Variants in RIC1 observed in about 807,000 individuals in gnomAD.
The protein encoded by RIC1 is RIC1 partner of RAB6A GEF complex, also known as guanine nucleotide exchange factor subunit RIC1.
A neutral mutation model predicts 169.0 loss-of-function variants in RIC1; 88 were observed. The observed-to-expected ratio is 0.52, with a 90% CI of 0.44 to 0.62. The LOEUF (loss-of-function observed/expected upper bound fraction) is 0.62. RIC1 is among the 20% of genes least tolerant of loss of function. The pLI, the probability that RIC1 is intolerant of heterozygous loss-of-function variation, is 0.00. For synonymous variants in RIC1, 790 were observed against 601.5 expected (o/e 1.31, Z -4.59); for missense variants, 1,877 against 1,725.5 (o/e 1.09, Z -1.56).
intron 3 of RIC1, among the ~76,000 whole-genome samples, chr9:5,707,100 G>C (rs1822638610): frequency 6.6e-6 from 1 of 151,998 alleles, no homozygotes; most frequent in Non-Finnish European, 1.5e-5. Context: ...GTTTTCATTA[G>C]TTTCAGAGCA....
chr9:5,762,571 C>G lies in RIC1; in HGVS notation c.2023C>G (p.Leu675Val). 6.2e-7 allele frequency: 1 copy of G among 1,613,938 alleles called. No individual in the cohort carries two copies. Among genetic ancestry groups the G allele is most frequent in the African/African-American group, 1.3e-5 (1 of 75,012 alleles). Residue 675 changes from leucine to valine, a missense_variant, in exon 18 of 26, where the codon CTG becomes GTG. Physicochemically the swap from Leu to Val is conservative, Grantham distance 32. Around this residue, in one of 3 missense-constraint regions of RIC1, gnomAD observed 1,104 missense variants for 992.0 expected, o/e 1.11. Coordinates refer to ENST00000414202, the MANE Select transcript of RIC1 (RefSeq NM_020829.4). ...TGGTGCAGAGAGCATTATGTTAAACCTGGCAGGACAGCTCATCATGATGCA... is the reference window on the plus strand; with the variant it reads ...TGGTGCAGAGAGCATTATGTTAAACGTGGCAGGACAGCTCATCATGATGCA... ...ARGAESIMLN[L>V]AGQLIMMQRD...
intron 8 of RIC1, among the ~76,000 whole-genome samples, chr9:5,741,052 A>G (rs144338986): frequency 1.3e-5 from 2 of 152,160 alleles, no homozygotes; most frequent in African/African-American, 4.8e-5. Context: ...CTACTTTGGG[A>G]GAGTCTGAAA....
At chr9:5,704,028 T>C (rs376853624) in intron 3 of RIC1, among the ~76,000 whole-genome samples, 2 of 137,976 alleles carry the variant, frequency 1.4e-5, no homozygotes, top group East Asian at 4.0e-4. Context: ...TCATCAACAT[T>C]TGTTATTTTC....
chr9:5,741,310 T>C (rs1825071022), intron 8 of RIC1, among the ~76,000 whole-genome samples: 1 of 152,156 alleles, frequency 6.6e-6, no homozygotes, highest in African/African-American at 2.4e-5. Context: ...GGGAAGAATT[T>C]TGTTTGTTTT....
At chr9:5,688,777 T>A (rs1821411400) in intron 2 of RIC1, among the ~76,000 whole-genome samples, 1 of 152,158 alleles carries the variant, frequency 6.6e-6, no homozygotes, top group South Asian at 2.1e-4. Context: ...AAACCTTGGA[T>A]AATTTCTTGG....
rs998949418 is a variant in RIC1, at chr9:5,657,148, T to G, written c.252+458T>G. ...TTTAAAACATATTCACATGATATTC[T>G]TGAATTTATATTTAAATTCCTCCCT... On this transcript the variant is annotated intron_variant, in intron 2 of 25. Transcript: ENST00000414202. Among the ~76,000 whole-genome samples, 11 of 152,300 alleles carry G rather than the reference T, an allele frequency of 7.2e-5. No homozygotes were observed. The East Asian group carries it at 1.5e-3, about 21-fold the overall frequency.
At chr9:5,746,619 G>T (rs893665068) in intron 11 of RIC1, among the ~76,000 whole-genome samples, 2 of 152,134 alleles carry the variant, frequency 1.3e-5, no homozygotes, top group Non-Finnish European at 2.9e-5. Context: ...ATAGCTTAAA[G>T]AAAGTATGTC....
chr9:5,672,180 G>T (rs894350293), intron 2 of RIC1, among the ~76,000 whole-genome samples: 4 of 152,142 alleles, frequency 2.6e-5, no homozygotes, highest in Non-Finnish European at 4.4e-5. Context: ...GCATCTGTAG[G>T]TTTGCATTGC....
chr9:5,770,747 A>G (rs903747937), intron 23 of RIC1, among the ~76,000 whole-genome samples: 1 of 152,148 alleles, frequency 6.6e-6, no homozygotes, highest in Non-Finnish European at 1.5e-5. Flanking sequence ...CTCTTGCTAT[A>G]TAAGTTCCTA....
In RIC1 at chr9:5,707,193, T is replaced by C. The variant is rs528432199; in HGVS notation, c.333-6703T>C. Among the ~76,000 whole-genome samples, 5 of 152,310 alleles carry C rather than the reference T, an allele frequency of 3.3e-5. No homozygotes were observed. The South Asian group carries it at 1.0e-3, about 32-fold the overall frequency. ...TGAATTTCCACATATTTGAATTTTC[T>C]AGTTTTTCTTTTACTGATTTTTAGT... On this transcript the variant is annotated intron_variant, in intron 3 of 25. Coordinates refer to ENST00000414202, the MANE Select transcript of RIC1 (RefSeq NM_020829.4).
intron 11 of RIC1, among the ~76,000 whole-genome samples, 196 bp downstream of exon 11, chr9:5,746,279 T>C (rs1825373186): frequency 6.6e-6 from 1 of 152,136 alleles, no homozygotes; most frequent in African/African-American, 2.4e-5. Flanking sequence ...TCTTTGGTCT[T>C]ATTTTTTTAA....
rs560524829 is a variant in RIC1, at chr9:5,751,480, C to T, written c.1453-1720C>T. On this transcript the variant is annotated intron_variant, in intron 12 of 25. Transcript: ENST00000414202. The stretch of plus-strand genomic sequence containing the variant: ...AGGTGATTCTCCTGCGTCAGCTTCC[C>T]GAGTAGCTGGGATTGCCGGCACCTG... Among the ~76,000 whole-genome samples, 57 of 151,794 alleles carry T rather than the reference C, an allele frequency of 3.8e-4. 1 individual carries two copies. The highest frequency in any genetic ancestry group is 1.2e-3 in the African/African-American group (49 of 41,122).
intron 1 of RIC1, among the ~76,000 whole-genome samples, chr9:5,634,311 C>T (rs1218769259): frequency 1.3e-5 from 2 of 152,158 alleles, no homozygotes; most frequent in African/African-American, 2.4e-5. Flanking sequence ...CTTCTGTTTT[C>T]CATCATGACT....
chr9:5,706,728 T>C (rs13301364), intron 3 of RIC1, among the ~76,000 whole-genome samples: 2,929 of 152,284 alleles, frequency 0.019, 35 homozygotes, highest in Non-Finnish European at 0.025. Flanking sequence ...TCTAACTTGT[T>C]AGCATTCAGT....
In RIC1 at chr9:5,755,617, ATCAGG is replaced by A. The variant is rs1449031051; in HGVS notation, c.1693-592_1693-588del. Among the ~76,000 whole-genome samples, 5 of 152,184 alleles carry A rather than the reference ATCAGG, an allele frequency of 3.3e-5. No individual in the cohort carries two copies. The East Asian group carries it at 9.6e-4, about 29-fold the overall frequency. ...TGAGAAACAGCTGGTCTTATTATGT[ATCAGG>A]TCTAAATCTGCAGGTCTAGGCCAGG... On this transcript the variant is annotated intron_variant, in intron 15 of 25. Coordinates refer to ENST00000414202, the MANE Select transcript of RIC1 (RefSeq NM_020829.4).
At chr9:5,693,196 T>C (rs1475451086) in intron 3 of RIC1, among the ~76,000 whole-genome samples, 1 of 152,138 alleles carries the variant, frequency 6.6e-6, no homozygotes, top group Admixed American at 6.6e-5. Context: ...CTCTTCTCAC[T>C]TAGTTATAGA....
At chr9:5,743,908 C>T (rs567624804) in intron 10 of RIC1, among the ~76,000 whole-genome samples, 171 bp downstream of exon 10, 1 of 152,224 alleles carries the variant, frequency 6.6e-6, no homozygotes, top group South Asian at 2.1e-4. Context: ...AAGCGATCCT[C>T]CTGCCTCAAG....
At chr9:5,675,698 G>T (rs1472893913) in intron 2 of RIC1, among the ~76,000 whole-genome samples, 1 of 150,440 alleles carries the variant, frequency 6.6e-6, no homozygotes, top group African/African-American at 2.5e-5. Flanking sequence ...GGGAATTTTA[G>T]GGGGGAAAAA....
At chr9:5,709,418 T>C (rs566388268) in intron 3 of RIC1, among the ~76,000 whole-genome samples, 1 of 152,174 alleles carries the variant, frequency 6.6e-6, no homozygotes, top group Non-Finnish European at 1.5e-5. Flanking sequence ...GATTATCAGC[T>C]CCCTTACTTT....
Sources: allele counts gnomAD v4.1 joint callset (sites outside exome capture counted in the v4.1 genomes callset), GRCh38; gene constraint gnomAD v4.1.1; regional missense constraint gnomAD v4.1.1; transcripts MANE v1.5; gene names NCBI Gene and HGNC (gene_info 2026-07-23, HGNC 2026-07-21).